FANCL: variants seen among roughly 807,000 people sequenced by gnomAD.
FANCL encodes the protein FA complementation group L, also known as E3 ubiquitin-protein ligase FANCL.
Under a neutral mutation model 59.4 loss-of-function variants are expected in FANCL, and 69 were observed. The ratio of observed to expected loss-of-function variants is 1.16; its 90% CI spans 0.96 to 1.42. The LOEUF (loss-of-function observed/expected upper bound fraction) is 1.42. Among genes scored for constraint, FANCL ranks in the 40% most tolerant of loss-of-function variants. The probability of loss-of-function intolerance (pLI) is 0.00; values close to 1 mark genes in which losing one functional copy is unlikely to be tolerated. For synonymous variants in FANCL, 180 were observed against 147.1 expected, an observed-to-expected ratio of 1.22 and a Z score of -1.62; for missense variants, 519 against 447.2, an observed-to-expected ratio of 1.16 and a Z score of -1.45.
In FANCL at chr2:58,159,480, T is replaced by C. The variant is rs763401780; in HGVS notation, c.*285A>G. ...ATGAGCCTCATCAAGATTTTACCAG[T>C]CCAGATATATTCAAGAAGTCAAGAT... On this transcript the variant is annotated 3_prime_UTR_variant, in exon 14 of 14. Transcript: ENST00000233741. 1 of 1,613,666 alleles carries C rather than the reference T, an allele frequency of 6.2e-7. No individual in the cohort carries two copies. The highest frequency in any genetic ancestry group is 8.5e-7 in the Non-Finnish European group (1 of 1,179,766).
intron 7 of FANCL, among the ~76,000 whole-genome samples, chr2:58,168,981 T>C (rs750882229): frequency 2.0e-5 from 3 of 152,138 alleles, no homozygotes; most frequent in Non-Finnish European, 4.4e-5. Flanking sequence ...CCCATCTCCC[T>C]GGGACAGAGC....
At chr2:58,197,944 GAATTTA>G (rs551901837) in intron 7 of FANCL, among the ~76,000 whole-genome samples, 225 of 152,070 alleles carry the variant, frequency 1.5e-3, no homozygotes, top group African/African-American at 5.2e-3. Context: ...GAGTTCTTTG[GAATTTA>G]AATTTAAAGG....
At chr2:58,167,243 G>C (rs1190927250) in intron 7 of FANCL, among the ~76,000 whole-genome samples, 1 of 152,140 alleles carries the variant, frequency 6.6e-6, no homozygotes, top group Non-Finnish European at 1.5e-5. Context: ...GTAGGAATTA[G>C]AGCCTAATAC....
At chr2:58,196,672 A>G (rs963840090) in intron 7 of FANCL, among the ~76,000 whole-genome samples, 13 of 152,022 alleles carry the variant, frequency 8.6e-5, no homozygotes, top group Non-Finnish European at 1.0e-4. Context: ...ATTTTGTTAA[A>G]TAACAAAATA....
intron 1 of FANCL, 95 bp from the exon 2 acceptor site, chr2:58,232,207 T>C: frequency 9.6e-7 from 1 of 1,037,144 alleles, no homozygotes; most frequent in Non-Finnish European, 1.5e-6. Flanking sequence ...AATGTTTTCC[T>C]TTATTTTCTA....
chr2:58,159,973 A>G, intron 13 of FANCL, 135 bp downstream of exon 13: 1 of 1,529,634 alleles, frequency 6.5e-7, no homozygotes, highest in South Asian at 1.3e-5. Context: ...TTGATCAGAG[A>G]ATTTGAAAAA....
chr2:58,167,454 T>C (rs1686070488), intron 7 of FANCL, among the ~76,000 whole-genome samples: 1 of 152,186 alleles, frequency 6.6e-6, no homozygotes, highest in South Asian at 2.1e-4. Context: ...AAATCCGTAA[T>C]TACCTATTCC....
chr2:58,178,214 C>G (rs996193663), intron 7 of FANCL, among the ~76,000 whole-genome samples: 1 of 151,118 alleles, frequency 6.6e-6, no homozygotes, highest in African/African-American at 2.4e-5. Flanking sequence ...AGAAAAATGA[C>G]TCCTCCCTAA....
chr2:58,179,350 G>C (rs1687690424), intron 7 of FANCL, among the ~76,000 whole-genome samples: 1 of 152,174 alleles, frequency 6.6e-6, no homozygotes, highest in South Asian at 2.1e-4. Flanking sequence ...AAGGCATGCT[G>C]TAACCAAAAC....
chr2:58,170,903 A>C (rs1337061336), intron 7 of FANCL, among the ~76,000 whole-genome samples: 1 of 152,144 alleles, frequency 6.6e-6, no homozygotes, highest in Non-Finnish European at 1.5e-5. Context: ...AAAGAGACTT[A>C]AGACTCCCAC....
intron 7 of FANCL, among the ~76,000 whole-genome samples, chr2:58,187,559 G>C (rs911597244): frequency 4.0e-5 from 6 of 150,294 alleles, no homozygotes; most frequent in Non-Finnish European, 8.9e-5. Context: ...AAAACTTAAA[G>C]TATAATAATA....
At chr2:58,161,667 G>GT in intron 11 of FANCL, 29 bp from the exon 12 acceptor site, 1 of 1,427,708 alleles carries the variant, frequency 7.0e-7, no homozygotes, top group Non-Finnish European at 9.9e-7. Context: ...TATAAAAAGC[G>GT]TATGTGTCTC....
chr2:58,217,029 T>G (rs1451933624), intron 5 of FANCL, among the ~76,000 whole-genome samples: 1 of 149,176 alleles, frequency 6.7e-6, no homozygotes, highest in Non-Finnish European at 1.5e-5. Context: ...AATTGCAGAC[T>G]CTGTATGACT....
At chr2:58,205,833 G>A (rs371207959) in intron 5 of FANCL, among the ~76,000 whole-genome samples, 1 of 152,012 alleles carries the variant, frequency 6.6e-6, no homozygotes, top group African/African-American at 2.4e-5. Flanking sequence ...ATTTTTAAGT[G>A]CATGATAAAA....
At chr2:58,207,500 A>T (rs1205487737) in intron 5 of FANCL, among the ~76,000 whole-genome samples, 1 of 152,214 alleles carries the variant, frequency 6.6e-6, no homozygotes, top group East Asian at 1.9e-4. Context: ...GTCCTTGTGA[A>T]GAGAGGCACC....
intron 2 of FANCL, among the ~76,000 whole-genome samples, chr2:58,231,461 C>T (rs551759827): frequency 4.6e-5 from 7 of 152,332 alleles, no homozygotes; most frequent in African/African-American, 7.2e-5. Context: ...AAAGCATCCT[C>T]TATTCCTTTT....
chr2:58,212,268 G>A (rs1691247113), intron 5 of FANCL, among the ~76,000 whole-genome samples: 1 of 152,134 alleles, frequency 6.6e-6, no homozygotes, highest in Non-Finnish European at 1.5e-5. Context: ...AGAAACCCCT[G>A]ATAAAACCAT....
intron 4 of FANCL, among the ~76,000 whole-genome samples, chr2:58,225,845 G>C (rs897991638): frequency 2.0e-5 from 3 of 152,068 alleles, no homozygotes; most frequent in Non-Finnish European, 4.4e-5. Context: ...GTAAAGAGGA[G>C]AGAGATGATG....
intron 3 of FANCL, among the ~76,000 whole-genome samples, chr2:58,228,751 C>T (rs1404929676): frequency 1.3e-5 from 2 of 152,128 alleles, no homozygotes; most frequent in African/African-American, 4.8e-5. Context: ...AAGACTTTAA[C>T]ACTGGGTTCT....
Sources: gnomAD v4.1 joint callset for allele counts (sites outside exome capture counted in the v4.1 genomes callset) on GRCh38, gnomAD v4.1.1 for gene constraint, MANE v1.5 for transcripts, NCBI Gene and HGNC (gene_info 2026-07-23, HGNC 2026-07-21) for gene names.